The following PAX2 variants were observed in gnomAD, a reference collection of about 807,000 sequenced individuals.
The protein encoded by PAX2 is paired box 2.
Under a neutral mutation model 41.7 loss-of-function variants are expected in PAX2, and 9 were observed. That is an observed-to-expected ratio of 0.22 (90% CI 0.13 to 0.38). The LOEUF is 0.38. PAX2 is among the 10% of genes least tolerant of loss of function. PAX2 has a pLI of 1.00. For synonymous variants in PAX2, 221 were observed against 212.7 expected (o/e 1.04, Z -0.34); for missense variants, 418 against 531.6 (o/e 0.79, Z 2.10).
chr10:100,758,537 A>C (rs1845721231), intron 3 of PAX2, among the ~76,000 whole-genome samples: 1 of 152,234 alleles, frequency 6.6e-6, no homozygotes. Flanking sequence ...GTTTGCCAAA[A>C]GCAATGATGG....
At chr10:100,740,173 G>T (rs1205868891) in intron 1 of PAX2, among the ~76,000 whole-genome samples, 1 of 152,198 alleles carries the variant, frequency 6.6e-6, no homozygotes, top group African/African-American at 2.4e-5. Context: ...CCTTCCCTAG[G>T]TCTCCGCCAA....
chr10:100,797,153 C>T lies in PAX2; in HGVS notation c.617-9277C>T, dbSNP rs563780092. ...CCAACATTCATGATCACTTTCTCTA[C>T]ATGAAGTTTATAAAGTTGAAAACTA... On this transcript the variant is annotated intron_variant, in intron 5 of 9. Transcript: ENST00000355243. 5.9e-5 allele frequency among the ~76,000 whole-genome samples: 9 copies of T among 152,370 alleles called. No individual in the cohort carries two copies. In the South Asian group the frequency reaches 1.4e-3, roughly 25 times the overall value.
At chr10:100,786,595 G>C (rs1301478733) in intron 5 of PAX2, among the ~76,000 whole-genome samples, 2 of 152,228 alleles carry the variant, frequency 1.3e-5, no homozygotes, top group Admixed American at 1.3e-4. Context: ...GCAGTTACCT[G>C]GGTAGTGTGC....
chr10:100,737,554 C>T (rs1004028404), intron 1 of PAX2, among the ~76,000 whole-genome samples: 10 of 152,350 alleles, frequency 6.6e-5, no homozygotes, highest in African/African-American at 1.9e-4. Context: ...GGGGGAGCTG[C>T]GGAGCTGGGC....
At chr10:100,737,188 G>T (rs906428060) in intron 1 of PAX2, among the ~76,000 whole-genome samples, 1 of 152,176 alleles carries the variant, frequency 6.6e-6, no homozygotes, top group African/African-American at 2.4e-5. Context: ...CCTGAGGTTT[G>T]TGAACCAGGT....
intron 3 of PAX2, among the ~76,000 whole-genome samples, chr10:100,764,680 CTGTG>C (rs59663467): frequency 1.3e-5 from 2 of 150,220 alleles, no homozygotes; most frequent in Admixed American, 6.7e-5. Context: ...GACCTTGTGG[CTGTG>C]TGTGTGTGTG....
At chr10:100,768,535 C>G (rs145580751) in intron 3 of PAX2, among the ~76,000 whole-genome samples, 1 of 152,130 alleles carries the variant, frequency 6.6e-6, no homozygotes, top group Non-Finnish European at 1.5e-5. Flanking sequence ...AGAGGATAAG[C>G]GTGTTTAAAA....
intron 5 of PAX2, among the ~76,000 whole-genome samples, chr10:100,784,639 C>T (rs1846775957): frequency 6.6e-6 from 1 of 152,232 alleles, no homozygotes; most frequent in Admixed American, 6.5e-5. Flanking sequence ...GCAGTGAGTG[C>T]TGGCATTATT....
At position 100,806,334 on chromosome 10, in the gene PAX2, T is replaced by G. The variant is rs147333742; in HGVS notation, c.617-96T>G. On this transcript the variant is annotated intron_variant, in intron 5 of 9. Coordinates refer to ENST00000355243, the MANE Select transcript of PAX2 (RefSeq NM_000278.5). ...GGGTCCCATAGGGGTGCAGAGCTCCTGGGCCCGGAACCAGATGCCCACCTC... is the reference window on the plus strand; with the variant it reads ...GGGTCCCATAGGGGTGCAGAGCTCCGGGGCCCGGAACCAGATGCCCACCTC... 1.2e-3 allele frequency: 1,634 copies of G among 1,309,458 alleles called. 17 individuals are homozygous for G. In the African/African-American group the frequency reaches 0.021, roughly 17 times the overall value. The allele number at this position is 1,309,458 out of a possible 1,614,324, so 81.1% of individuals were successfully genotyped here. A position where few individuals can be genotyped will look rare whatever the true frequency, so the allele number is the denominator to read the frequency against.
At chr10:100,755,515 T>A (rs915292872) in intron 3 of PAX2, among the ~76,000 whole-genome samples, 13 of 152,234 alleles carry the variant, frequency 8.5e-5, no homozygotes, top group African/African-American at 3.1e-4. Flanking sequence ...ACATCAAATA[T>A]GAAGAGGCAT....
At chr10:100,739,512 G>T (rs1310496734) in intron 1 of PAX2, among the ~76,000 whole-genome samples, 1 of 152,202 alleles carries the variant, frequency 6.6e-6, no homozygotes, top group African/African-American at 2.4e-5. Context: ...ACTCAGCGCG[G>T]GTCCTCCCGC....
At chr10:100,757,573 C>G (rs1308353579) in intron 3 of PAX2, among the ~76,000 whole-genome samples, 1 of 152,226 alleles carries the variant, frequency 6.6e-6, no homozygotes, top group Non-Finnish European at 1.5e-5. Context: ...CATAAGCAGC[C>G]AAGAAGGCGC....
At chr10:100,773,190 C>T (rs959714068) in intron 3 of PAX2, among the ~76,000 whole-genome samples, 16 of 152,268 alleles carry the variant, frequency 1.1e-4, no homozygotes, top group African/African-American at 3.6e-4. Flanking sequence ...GTGCAAAATG[C>T]GTTGTTGTAA....
intron 3 of PAX2, among the ~76,000 whole-genome samples, chr10:100,758,275 G>A (rs1845708947): frequency 6.6e-6 from 1 of 151,840 alleles, no homozygotes; most frequent in Non-Finnish European, 1.5e-5. Flanking sequence ...CGAGTAGCTG[G>A]GACTATAGGC....
In PAX2 at chr10:100,772,431, G is replaced by A. The variant is rs537521072; in HGVS notation, c.411-7067G>A. On this transcript the variant is annotated intron_variant, in intron 3 of 9. Transcript: ENST00000355243. ...AGCCTCCCAAAGTGCTGGGATTATA[G>A]GCATAAGCCACCATGCCTGGCTGCA... 2.6e-5 allele frequency among the ~76,000 whole-genome samples: 4 copies of A among 152,340 alleles called. No homozygotes were observed. The East Asian group carries it at 7.7e-4, about 29-fold the overall frequency.
intron 3 of PAX2, among the ~76,000 whole-genome samples, chr10:100,775,531 C>T (rs927775108): frequency 1.3e-5 from 2 of 152,200 alleles, no homozygotes; most frequent in Non-Finnish European, 2.9e-5. Flanking sequence ...ACCACCAAGC[C>T]GCTGTCAGGG....
chr10:100,740,554 T>G (rs889413518), intron 1 of PAX2, among the ~76,000 whole-genome samples: 1 of 152,210 alleles, frequency 6.6e-6, no homozygotes, highest in Non-Finnish European at 1.5e-5. Context: ...TTTACCTCTT[T>G]GTGAAAGGGT....
chr10:100,810,170 G>A (rs766661042), intron 7 of PAX2, among the ~76,000 whole-genome samples: 38 of 152,180 alleles, frequency 2.5e-4, no homozygotes, highest in Non-Finnish European at 1.3e-4. Context: ...AAGCGGAGGT[G>A]GCCTGCGGAC....
chr10:100,812,701 C>T (rs536202250), intron 7 of PAX2, among the ~76,000 whole-genome samples: 61 of 152,294 alleles, frequency 4.0e-4, no homozygotes, highest in Non-Finnish European at 7.1e-4. Context: ...CATGTCTGGC[C>T]GGGGCTCCAG....
Sources: gnomAD v4.1 joint callset for allele counts (sites outside exome capture counted in the v4.1 genomes callset) on GRCh38, gnomAD v4.1.1 for gene constraint, MANE v1.5 for transcripts, NCBI Gene and HGNC (gene_info 2026-07-23, HGNC 2026-07-21) for gene names.